The following TSPAN5 variants were observed in gnomAD, a reference collection of about 807,000 sequenced individuals.
The protein encoded by TSPAN5 is tetraspanin 5, also known as tetraspanin-5.
In TSPAN5, 10 loss-of-function variants were observed where a neutral mutation model predicts 37.1. The ratio of observed to expected loss-of-function variants is 0.27; its 90% CI spans 0.17 to 0.46. The LOEUF (loss-of-function observed/expected upper bound fraction) is 0.46, where lower values mean the gene tolerates loss of function less well. Among genes scored for constraint, TSPAN5 ranks in the 20% least tolerant of loss-of-function variants. The pLI, the probability that TSPAN5 is intolerant of heterozygous loss-of-function variation, is 1.00. For synonymous variants in TSPAN5, 110 were observed against 118.9 expected (o/e 0.93, Z 0.48); for missense variants, 195 against 326.6 (o/e 0.60, Z 3.11).
chr4:98,499,692 A>G (rs1420655328), intron 2 of TSPAN5, among the ~76,000 whole-genome samples: 2 of 115,802 alleles, frequency 1.7e-5, no homozygotes, highest in Non-Finnish European at 3.2e-5. Context: ...ATGGAGTCTC[A>G]CTCTGCTGCC....
chr4:98,555,977 GCA>G (rs991327010), intron 1 of TSPAN5, among the ~76,000 whole-genome samples: 2 of 134,940 alleles, frequency 1.5e-5, no homozygotes. Context: ...ACACGCGCGC[GCA>G]CACACACGTG....
At chr4:98,507,071 T>C (rs1373368562) in intron 2 of TSPAN5, among the ~76,000 whole-genome samples, 1 of 152,222 alleles carries the variant, frequency 6.6e-6, no homozygotes, top group African/African-American at 2.4e-5. Flanking sequence ...TAGATTACTC[T>C]GTATTTCCAG....
intron 1 of TSPAN5, among the ~76,000 whole-genome samples, chr4:98,647,219 A>G (rs971983134): frequency 1.2e-4 from 19 of 152,316 alleles, no homozygotes; most frequent in African/African-American, 4.6e-4. Context: ...TCTCCAGTTA[A>G]AGGGCTAGGC....
intron 2 of TSPAN5, among the ~76,000 whole-genome samples, chr4:98,497,656 T>A (rs1054569326): frequency 6.6e-6 from 1 of 152,214 alleles, no homozygotes; most frequent in Non-Finnish European, 1.5e-5. Flanking sequence ...GTTCATTTAT[T>A]GAGCAAATAC....
chr4:98,658,406 G>T lies in TSPAN5; in HGVS notation c.-180C>A. On this transcript the variant is annotated 5_prime_UTR_variant, in exon 1 of 8. It adds an upstream start codon to the 5' untranslated region. Transcript: ENST00000305798. ...GCGGAGAGCGGCTCCCGCACCTCCA[G>T]CCCCTCGCGCGCCGAGGCCGCCGGA... 2.8e-6 allele frequency: 1 copy of T among 361,630 alleles called. No homozygotes were observed. The highest frequency in any genetic ancestry group is 4.9e-6 in the Non-Finnish European group (1 of 206,088). 22.4% of individuals were successfully genotyped at this position (361,630 alleles called of 1,614,324 possible).
chr4:98,567,818 G>A (rs1414293281), intron 1 of TSPAN5, among the ~76,000 whole-genome samples: 1 of 152,088 alleles, frequency 6.6e-6, no homozygotes, highest in Admixed American at 6.5e-5. Context: ...CGGGGCGGGG[G>A]GCCTGGTCAG....
chr4:98,590,108 A>T (rs1172381333), intron 1 of TSPAN5, among the ~76,000 whole-genome samples: 1 of 152,164 alleles, frequency 6.6e-6, no homozygotes, highest in Admixed American at 6.5e-5. Flanking sequence ...ATGAAACGGC[A>T]CTACCCCCAC....
At chr4:98,587,277 T>G (rs1180832123) in intron 1 of TSPAN5, among the ~76,000 whole-genome samples, 2 of 152,168 alleles carry the variant, frequency 1.3e-5, no homozygotes, top group Non-Finnish European at 2.9e-5. Flanking sequence ...AAGCCCAGCT[T>G]CCACACGCAG....
At chr4:98,559,368 G>A (rs962368982) in intron 1 of TSPAN5, among the ~76,000 whole-genome samples, 25 of 152,092 alleles carry the variant, frequency 1.6e-4, no homozygotes, top group African/African-American at 4.1e-4. Context: ...ATATAATGAC[G>A]GGGAAAAGTT....
At chr4:98,611,000 C>T (rs1756174384) in intron 1 of TSPAN5, among the ~76,000 whole-genome samples, 1 of 152,080 alleles carries the variant, frequency 6.6e-6, no homozygotes, top group South Asian at 2.1e-4. Context: ...GTAATGTGTC[C>T]AACTTTGAGG....
intron 2 of TSPAN5, 111 bp from the exon 3 acceptor site, chr4:98,486,995 G>A: frequency 9.6e-7 from 1 of 1,042,490 alleles, no homozygotes; most frequent in South Asian, 1.5e-5. Flanking sequence ...CCTTCAGAGG[G>A]CATCTGATTA....
chr4:98,653,160 A>G (rs1026267231), intron 1 of TSPAN5, among the ~76,000 whole-genome samples: 5 of 152,210 alleles, frequency 3.3e-5, no homozygotes, highest in African/African-American at 1.2e-4. Context: ...AATTAAAACA[A>G]AAATTATGAC....
chr4:98,592,574 T>A (rs1755673012), intron 1 of TSPAN5, among the ~76,000 whole-genome samples: 2 of 143,290 alleles, frequency 1.4e-5, no homozygotes, highest in African/African-American at 5.2e-5. Context: ...CTCCCAATGC[T>A]ATCCCTCCCC....
chr4:98,592,217 G>A (rs1044912330), intron 1 of TSPAN5, among the ~76,000 whole-genome samples: 14 of 149,390 alleles, frequency 9.4e-5, no homozygotes, highest in Non-Finnish European at 1.9e-4. Context: ...TCAGAGAACT[G>A]TTAAACAAAG....
intron 2 of TSPAN5, among the ~76,000 whole-genome samples, chr4:98,506,100 T>A (rs1422076127): frequency 6.6e-6 from 1 of 152,220 alleles, no homozygotes; most frequent in African/African-American, 2.4e-5. Context: ...CAACTGCTGT[T>A]TATTGCTAGA....
intron 7 of TSPAN5, among the ~76,000 whole-genome samples, chr4:98,474,553 GC>G (rs1752654563): frequency 6.6e-6 from 1 of 151,850 alleles, no homozygotes; most frequent in African/African-American, 2.4e-5. Context: ...TTGTCATGTT[GC>G]CCAGGCTGTT....
chr4:98,500,020 A>G (rs1043483573), intron 2 of TSPAN5, among the ~76,000 whole-genome samples: 1 of 152,156 alleles, frequency 6.6e-6, no homozygotes, highest in Non-Finnish European at 1.5e-5. Context: ...AATTGAGGAA[A>G]AGAATCACAA....
chr4:98,506,888 G>A (rs1201013558), intron 2 of TSPAN5, among the ~76,000 whole-genome samples: 1 of 152,168 alleles, frequency 6.6e-6, no homozygotes, highest in Non-Finnish European at 1.5e-5. Flanking sequence ...GCTGGGAGGA[G>A]GGGGCGGGTG....
intron 1 of TSPAN5, among the ~76,000 whole-genome samples, chr4:98,527,841 A>G (rs1578968529): frequency 1.3e-5 from 2 of 152,244 alleles, no homozygotes; most frequent in Admixed American, 6.5e-5. Context: ...TGCTAATATA[A>G]AAATGTAAAA....
Sources: gnomAD v4.1 joint callset for allele counts (sites outside exome capture counted in the v4.1 genomes callset) on GRCh38, gnomAD v4.1.1 for gene constraint, MANE v1.5 for transcripts, NCBI Gene and HGNC (gene_info 2026-07-23, HGNC 2026-07-21) for gene names.